The following DIAPH2 variants were observed in gnomAD, a reference collection of about 807,000 sequenced individuals.
DIAPH2 encodes the protein diaphanous related formin 2, also known as protein diaphanous homolog 2.
In DIAPH2, 35 loss-of-function variants were observed where a neutral mutation model predicts 92.7. That is an observed-to-expected ratio of 0.38 (90% CI 0.29 to 0.50). The LOEUF (loss-of-function observed/expected upper bound fraction) is 0.50. Ranked by LOEUF, DIAPH2 falls within the 20% of genes least tolerant of loss-of-function variation. The pLI is 0.94. For synonymous variants in DIAPH2, 301 were observed against 280.4 expected (o/e 1.07, Z -0.73); for missense variants, 701 against 819.5 (o/e 0.86, Z 1.77).
intron 22 of DIAPH2, among the ~76,000 whole-genome samples, chrX:97,216,030 C>G (rs750161188): frequency 8.9e-6 from 1 of 111,778 alleles, no homozygotes; most frequent in East Asian, 2.8e-4. Context: ...CCTCAACTGC[C>G]GAAAGAATTT....
At chrX:96,811,232 C>T (rs952575354) in intron 4 of DIAPH2, among the ~76,000 whole-genome samples, 15 of 111,597 alleles carry the variant, frequency 1.3e-4, no homozygotes, top group Non-Finnish European at 2.3e-4. Context: ...AGGTCCTTCA[C>T]ATCCCTTGTA....
intron 4 of DIAPH2, among the ~76,000 whole-genome samples, chrX:96,826,676 G>C (rs1462647839): frequency 2.7e-5 from 3 of 111,677 alleles, no homozygotes; most frequent in Non-Finnish European, 5.6e-5. Flanking sequence ...CACCACACCT[G>C]ATTTGTAAAG....
chrX:97,334,611 C>T (rs1223290192), intron 23 of DIAPH2, among the ~76,000 whole-genome samples: 2 of 109,113 alleles, frequency 1.8e-5, no homozygotes, highest in African/African-American at 6.7e-5. Context: ...TGTGAAACTT[C>T]CTAATGATTC....
intron 1 of DIAPH2, among the ~76,000 whole-genome samples, chrX:96,708,787 T>C (rs2063901646): frequency 8.9e-6 from 1 of 112,654 alleles, no homozygotes; most frequent in African/African-American, 3.2e-5. Context: ...TAGGTAATCA[T>C]ATAAGCAGTC....
chrX:96,979,914 C>T (rs1029647572), intron 17 of DIAPH2, among the ~76,000 whole-genome samples: 15 of 111,549 alleles, frequency 1.3e-4, no homozygotes, highest in African/African-American at 4.6e-4. Flanking sequence ...CTGCACTCCA[C>T]ACCTTGCAGG....
At chrX:96,888,581 C>CTATATATATCTA (rs1556283043) in intron 5 of DIAPH2, among the ~76,000 whole-genome samples, 2,908 of 92,013 alleles carry the variant, frequency 0.032, 145 homozygotes, top group African/African-American at 0.11. Context: ...ATATATATAT[C>CTATATATATCTA]TATATATATA....
intron 17 of DIAPH2, among the ~76,000 whole-genome samples, chrX:97,033,521 A>G (rs747517619): frequency 3.9e-4 from 44 of 111,980 alleles, no homozygotes; most frequent in Non-Finnish European, 7.5e-4. Flanking sequence ...AGCTAAATAG[A>G]GAATTTTATG....
intron 23 of DIAPH2, among the ~76,000 whole-genome samples, chrX:97,253,346 G>A (rs1268611528): frequency 3.0e-5 from 3 of 100,097 alleles, no homozygotes; most frequent in African/African-American, 1.1e-4. Flanking sequence ...TTTTAAAAAA[G>A]TAAGATTCTT....
intron 21 of DIAPH2, among the ~76,000 whole-genome samples, chrX:97,127,971 A>T (rs2067104768): frequency 9.0e-6 from 1 of 111,054 alleles, no homozygotes; most frequent in Non-Finnish European, 1.9e-5. Context: ...TCGCGCCACT[A>T]CACTCCGCCT....
chrX:97,506,961 C>G (rs748053512), intron 26 of DIAPH2, among the ~76,000 whole-genome samples: 13 of 110,793 alleles, frequency 1.2e-4, no homozygotes, highest in African/African-American at 3.6e-4. Flanking sequence ...AAATCCAGCC[C>G]ATGGACTAGA....
At chrX:96,840,908 C>T (rs896362294) in intron 4 of DIAPH2, among the ~76,000 whole-genome samples, 15 of 111,776 alleles carry the variant, frequency 1.3e-4, no homozygotes, top group East Asian at 2.8e-4. Flanking sequence ...CCACCGTGCC[C>T]GGCCCATTTT....
At chrX:97,028,550 A>G (rs1441862785) in intron 17 of DIAPH2, among the ~76,000 whole-genome samples, 9 of 112,271 alleles carry the variant, frequency 8.0e-5, no homozygotes, top group African/African-American at 2.9e-4. Flanking sequence ...AAATGGAATT[A>G]CATAATCTGT....
chrX:96,917,429 T>C (rs750087769), intron 8 of DIAPH2, among the ~76,000 whole-genome samples: 74 of 111,371 alleles, frequency 6.6e-4, no homozygotes, highest in Admixed American at 2.6e-3. Flanking sequence ...AAAAATATTA[T>C]CATATTAAGT....
chrX:96,836,884 C>T (rs1392878315), intron 4 of DIAPH2, among the ~76,000 whole-genome samples: 1 of 99,350 alleles, frequency 1.0e-5, no homozygotes, highest in Non-Finnish European at 2.0e-5. Flanking sequence ...CCCGCTACCA[C>T]GCCCGGCTAA....
chrX:97,239,182 C>T (rs2068072155), intron 22 of DIAPH2, among the ~76,000 whole-genome samples: 1 of 111,609 alleles, frequency 9.0e-6, no homozygotes, highest in African/African-American at 3.3e-5. Flanking sequence ...TTTTTTCTTG[C>T]ATGCATATCT....
intron 5 of DIAPH2, chrX:96,884,861 C>T: frequency 8.3e-7 from 1 of 1,210,962 alleles, no homozygotes; most frequent in South Asian, 1.8e-5. Context: ...CCTGTGTCTC[C>T]ATCAGAAGTG....
chrX:97,340,888 A>C (rs1391930058), intron 23 of DIAPH2, among the ~76,000 whole-genome samples: 1 of 109,350 alleles, frequency 9.1e-6, no homozygotes, highest in Non-Finnish European at 1.9e-5. Context: ...CCTGACCTTA[A>C]GTGATCCACC....
rs545119669 is a variant in DIAPH2 at position 97,139,045 on chromosome X, T to C, written c.2590-2620T>C. Among the ~76,000 whole-genome samples, 34 of 111,455 alleles carry C rather than the reference T, an allele frequency of 3.1e-4. 1 individual carries two copies. Among genetic ancestry groups the C allele is most frequent in the African/African-American group, 1.0e-3 (31 of 30,848 alleles). Reference sequence around the variant, plus strand: ...CTAACTCAAACATTTTGGAAATGACTTGTACATAATCAGATTAGATTACTC... The same window carrying C: ...CTAACTCAAACATTTTGGAAATGACCTGTACATAATCAGATTAGATTACTC... On this transcript the variant is annotated intron_variant, in intron 21 of 26. Transcript: ENST00000324765.
chrX:97,546,477 A>G (rs759645113), intron 26 of DIAPH2, among the ~76,000 whole-genome samples: 5 of 111,315 alleles, frequency 4.5e-5, no homozygotes, highest in Non-Finnish European at 7.5e-5. Flanking sequence ...ACCATCCATC[A>G]GTACATTTAG....
Sources: allele counts gnomAD v4.1 joint callset (sites outside exome capture counted in the v4.1 genomes callset), GRCh38; gene constraint gnomAD v4.1.1; transcripts MANE v1.5; gene names NCBI Gene and HGNC (gene_info 2026-07-23, HGNC 2026-07-21).